PDLIM5: variants seen among roughly 807,000 people sequenced by gnomAD.
The protein encoded by PDLIM5 is PDZ and LIM domain 5, also known as PDZ and LIM domain protein 5.
In PDLIM5, 34 loss-of-function variants were observed where a neutral mutation model predicts 64.2. The ratio of observed to expected loss-of-function variants is 0.53; its 90% CI spans 0.40 to 0.71. The LOEUF is 0.71. Among genes scored for constraint, PDLIM5 ranks in the 30% least tolerant of loss-of-function variants. The probability of loss-of-function intolerance (pLI) is 0.00; values close to 1 mark genes in which losing one functional copy is unlikely to be tolerated. For synonymous variants in PDLIM5, 253 were observed against 269.1 expected (o/e 0.94, Z 0.59); for missense variants, 683 against 733.6 (o/e 0.93, Z 0.80).
chr4:94,605,065 G>A (rs1381586912), intron 7 of PDLIM5, among the ~76,000 whole-genome samples: 6 of 152,146 alleles, frequency 3.9e-5, no homozygotes, highest in Admixed American at 3.3e-4. Context: ...AGTAAAGATA[G>A]TCTGTTGTTT....
At position 94,595,610 on chromosome 4, in the gene PDLIM5, T is replaced by G. The variant is rs114935405; in HGVS notation, c.920+9166T>G. Reference sequence around the variant, plus strand: ...TTACATATTTCTGAACATACTGTTTTGTAAGTTTTTTTAAAACTTTGTTGA... The same window carrying G: ...TTACATATTTCTGAACATACTGTTTGGTAAGTTTTTTTAAAACTTTGTTGA... On this transcript the variant is annotated intron_variant, in intron 7 of 12. Coordinates refer to ENST00000317968, the MANE Select transcript of PDLIM5 (RefSeq NM_006457.5). 3.4e-3 allele frequency among the ~76,000 whole-genome samples: 519 copies of G among 152,362 alleles called. 2 individuals are homozygous for G. The highest frequency in any genetic ancestry group is 0.012 in the African/African-American group (496 of 41,586).
chr4:94,497,579 A>G (rs1247097971), intron 2 of PDLIM5, among the ~76,000 whole-genome samples: 1 of 152,102 alleles, frequency 6.6e-6, no homozygotes, highest in African/African-American at 2.4e-5. Context: ...TGACATTGCT[A>G]TTGGAGAGAT....
chr4:94,535,304 A>G lies in PDLIM5; in HGVS notation c.248+11429A>G, dbSNP rs1406727515. 9.9e-5 allele frequency among the ~76,000 whole-genome samples: 15 copies of G among 152,194 alleles called. 1 individual carries two copies. Among genetic ancestry groups the G allele is most frequent in the Non-Finnish European group, 2.9e-5 (2 of 68,036 alleles). On this transcript the variant is annotated intron_variant, in intron 3 of 12. Transcript: ENST00000317968. Reference sequence around the variant, plus strand: ...TTTTAGCCTGCTTAGGCCCAGGCTCAGTGTTCTGCCCCTTTCACCTTCCTC... The same window carrying G: ...TTTTAGCCTGCTTAGGCCCAGGCTCGGTGTTCTGCCCCTTTCACCTTCCTC...
At chr4:94,522,801 T>C (rs1046124743) in intron 2 of PDLIM5, among the ~76,000 whole-genome samples, 1 of 152,226 alleles carries the variant, frequency 6.6e-6, no homozygotes, top group Non-Finnish European at 1.5e-5. Context: ...ACTGGTTATT[T>C]ACTTGCTTTT....
chr4:94,566,911 G>GA (rs1425523250), intron 3 of PDLIM5, among the ~76,000 whole-genome samples: 1 of 152,214 alleles, frequency 6.6e-6, no homozygotes, highest in Admixed American at 6.5e-5. Flanking sequence ...TAAAGCCTGT[G>GA]AAAAAGAATT....
intron 7 of PDLIM5, among the ~76,000 whole-genome samples, chr4:94,605,032 G>T (rs1737806979): frequency 6.6e-6 from 1 of 152,152 alleles, no homozygotes; most frequent in African/African-American, 2.4e-5. Context: ...AGTCTGGCTG[G>T]TAAGTGGAAC....
intron 2 of PDLIM5, among the ~76,000 whole-genome samples, chr4:94,457,916 C>T (rs1157878696): frequency 6.6e-6 from 1 of 152,212 alleles, no homozygotes; most frequent in Non-Finnish European, 1.5e-5. Flanking sequence ...AAAGTCTCTG[C>T]CATCTACTGT....
chr4:94,527,242 A>G (rs1228185476), intron 3 of PDLIM5, among the ~76,000 whole-genome samples: 1 of 151,244 alleles, frequency 6.6e-6, no homozygotes, highest in African/African-American at 2.4e-5. Flanking sequence ...TTTTTAGTAG[A>G]GACAGGGTTT....
In PDLIM5 at chr4:94,463,132, T is replaced by C. The variant is rs556731040; in HGVS notation, c.96+7748T>C. Reference sequence around the variant, plus strand: ...GTTACATGGCAAAAGATTTTGTGTTTTTGGCATAGTGCCCTGTCATAGACT... The same window carrying C: ...GTTACATGGCAAAAGATTTTGTGTTCTTGGCATAGTGCCCTGTCATAGACT... On this transcript the variant is annotated intron_variant, in intron 2 of 12. Coordinates refer to ENST00000317968, the MANE Select transcript of PDLIM5 (RefSeq NM_006457.5). Among the ~76,000 whole-genome samples the C allele has an allele frequency of 6.6e-5, 10 of 152,348 alleles. 1 individual carries two copies. The South Asian group carries it at 2.1e-3, about 32-fold the overall frequency.
chr4:94,588,761 T>C (rs575340650), intron 7 of PDLIM5, among the ~76,000 whole-genome samples: 12 of 152,326 alleles, frequency 7.9e-5, no homozygotes, highest in South Asian at 2.1e-4. Context: ...TTCAAGGGTC[T>C]ATTTTTATTT....
At chr4:94,564,251 C>T (rs1734097917) in intron 3 of PDLIM5, among the ~76,000 whole-genome samples, 2 of 152,104 alleles carry the variant, frequency 1.3e-5, no homozygotes, top group South Asian at 2.1e-4. Flanking sequence ...CATGAGCCAT[C>T]GTGCCCGGCC....
chr4:94,557,637 G>T (rs1406405110), intron 3 of PDLIM5, among the ~76,000 whole-genome samples: 9 of 152,120 alleles, frequency 5.9e-5, no homozygotes, highest in African/African-American at 2.2e-4. Context: ...TTGTAAGTTG[G>T]ATTCCTAGGT....
chr4:94,581,705 C>T (rs1735744821), intron 5 of PDLIM5, among the ~76,000 whole-genome samples: 1 of 152,188 alleles, frequency 6.6e-6, no homozygotes, highest in Non-Finnish European at 1.5e-5. Context: ...CTTACTCTGA[C>T]TAAACATCAT....
chr4:94,645,713 T>A (rs964692398), intron 9 of PDLIM5, among the ~76,000 whole-genome samples: 6 of 152,210 alleles, frequency 3.9e-5, no homozygotes, highest in Non-Finnish European at 5.9e-5. Context: ...AATGTCCAGA[T>A]AATAGATTGG....
intron 2 of PDLIM5, among the ~76,000 whole-genome samples, chr4:94,471,043 C>T (rs537827969): frequency 1.7e-4 from 26 of 152,124 alleles, no homozygotes; most frequent in Non-Finnish European, 2.9e-4. Flanking sequence ...GACTTTTTCA[C>T]TATCATGAGA....
At chr4:94,532,232 A>T (rs1296032271) in intron 3 of PDLIM5, among the ~76,000 whole-genome samples, 1 of 152,206 alleles carries the variant, frequency 6.6e-6, no homozygotes, top group Non-Finnish European at 1.5e-5. Context: ...TTGAGCCATC[A>T]TTCCAACAGT....
chr4:94,573,486 AT>A (rs1376062360), intron 4 of PDLIM5, 93 bp downstream of exon 4: 2 of 999,636 alleles, frequency 2.0e-6, no homozygotes, highest in Admixed American at 3.4e-5. Flanking sequence ...ACTGACATTC[AT>A]TTAATTTATA....
At chr4:94,634,553 T>G (rs1045992787) in intron 8 of PDLIM5, among the ~76,000 whole-genome samples, 5 of 152,236 alleles carry the variant, frequency 3.3e-5, no homozygotes, top group Non-Finnish European at 7.3e-5. Flanking sequence ...GTAGTATTTT[T>G]TTCGCATAGT....
At chr4:94,535,440 C>G (rs1275176974) in intron 3 of PDLIM5, among the ~76,000 whole-genome samples, 1 of 152,164 alleles carries the variant, frequency 6.6e-6, no homozygotes, top group Non-Finnish European at 1.5e-5. Flanking sequence ...AAACTAAGTT[C>G]TATGCCTTGT....
Sources: gnomAD v4.1 joint callset for allele counts (sites outside exome capture counted in the v4.1 genomes callset) on GRCh38, gnomAD v4.1.1 for gene constraint, MANE v1.5 for transcripts, NCBI Gene and HGNC (gene_info 2026-07-23, HGNC 2026-07-21) for gene names.